Variants in ZDHHC17 observed in about 807,000 individuals in gnomAD.
ZDHHC17 encodes the protein zDHHC palmitoyltransferase 17, also known as palmitoyltransferase ZDHHC17.
ZDHHC17 carries 40 observed loss-of-function variants against 90.3 expected under a neutral mutation model. That is an observed-to-expected ratio of 0.44 (90% CI 0.34 to 0.58). The LOEUF (loss-of-function observed/expected upper bound fraction) is 0.58, where lower values mean the gene tolerates loss of function less well. Ranked by LOEUF, ZDHHC17 falls within the 20% of genes least tolerant of loss-of-function variation. The pLI is 0.01. For synonymous variants in ZDHHC17, 235 were observed against 252.4 expected (o/e 0.93, Z 0.65); for missense variants, 614 against 780.8 (o/e 0.79, Z 2.55).
At chr12:76,775,808 T>C (rs142819486) in intron 1 of ZDHHC17, among the ~76,000 whole-genome samples, 28 of 152,316 alleles carry the variant, frequency 1.8e-4, no homozygotes, top group African/African-American at 5.1e-4. Context: ...ATGTACACTA[T>C]TGTTAATCTT....
intron 10 of ZDHHC17, among the ~76,000 whole-genome samples, chr12:76,839,845 A>G (rs1288670385): frequency 1.3e-5 from 2 of 152,218 alleles, no homozygotes; most frequent in Admixed American, 6.5e-5. Context: ...GGAAAATAGT[A>G]TAAAAGTGTC....
intron 3 of ZDHHC17, among the ~76,000 whole-genome samples, chr12:76,808,719 A>T (rs1475505683): frequency 6.6e-6 from 1 of 152,128 alleles, no homozygotes; most frequent in African/African-American, 2.4e-5. Flanking sequence ...CAACTATTCT[A>T]ATTTCAAGTT....
chr12:76,814,155 A>G (rs1446293884), intron 5 of ZDHHC17, among the ~76,000 whole-genome samples: 4 of 151,996 alleles, frequency 2.6e-5, no homozygotes, highest in African/African-American at 9.7e-5. Context: ...GTTTCAGAGC[A>G]TTGAAACTGA....
At chr12:76,775,535 A>G (rs1218780058) in intron 1 of ZDHHC17, among the ~76,000 whole-genome samples, 1 of 152,220 alleles carries the variant, frequency 6.6e-6, no homozygotes, top group Non-Finnish European at 1.5e-5. Context: ...TAAGTCTGTA[A>G]AAGATTTTTC....
chr12:76,797,603 A>ATT, intron 2 of ZDHHC17, 66 bp downstream of exon 2: 2 of 1,267,038 alleles, frequency 1.6e-6, no homozygotes, highest in Non-Finnish European at 2.2e-6. Flanking sequence ...AATCTGAATA[A>ATT]CAGTCATATT....
intron 1 of ZDHHC17, among the ~76,000 whole-genome samples, chr12:76,792,530 G>GC (rs1303821852): frequency 5.3e-5 from 8 of 151,698 alleles, no homozygotes; most frequent in African/African-American, 1.9e-4. Flanking sequence ...AGTGTTTATC[G>GC]CAGCTCAGCT....
At chr12:76,779,623 C>CA (rs887241415) in intron 1 of ZDHHC17, among the ~76,000 whole-genome samples, 2 of 152,118 alleles carry the variant, frequency 1.3e-5, no homozygotes, top group Non-Finnish European at 2.9e-5. Context: ...GGGACACAGC[C>CA]AAACCACATC....
At chr12:76,819,935 G>C (rs1043412386) in intron 7 of ZDHHC17, among the ~76,000 whole-genome samples, 8 of 150,556 alleles carry the variant, frequency 5.3e-5, no homozygotes, top group African/African-American at 2.0e-4. Flanking sequence ...GGAGGTTGCA[G>C]TGAGCCAAGA....
chr12:76,795,091 G>C (rs17757120), intron 1 of ZDHHC17, among the ~76,000 whole-genome samples: 21,500 of 152,080 alleles, frequency 0.14, 1,940 homozygotes, highest in Non-Finnish European at 0.2. Context: ...AAGTCCTTCA[G>C]GATGACAGGC....
intron 8 of ZDHHC17, among the ~76,000 whole-genome samples, chr12:76,825,334 G>A (rs1953217529): frequency 6.6e-6 from 1 of 152,106 alleles, no homozygotes; most frequent in Non-Finnish European, 1.5e-5. Context: ...AATCTAGGTG[G>A]TGGATAGACT....
chr12:76,836,995 A>G (rs1005089254), intron 10 of ZDHHC17, among the ~76,000 whole-genome samples: 3 of 152,196 alleles, frequency 2.0e-5, no homozygotes, highest in African/African-American at 7.2e-5. Flanking sequence ...TCTCTTGCAA[A>G]TAGCATATAG....
At chr12:76,823,995 T>TA (rs200676825) in intron 8 of ZDHHC17, among the ~76,000 whole-genome samples, 43 of 151,718 alleles carry the variant, frequency 2.8e-4, no homozygotes, top group East Asian at 2.1e-3. Flanking sequence ...ATTAGGCTAG[T>TA]AAAAAAAAAT....
chr12:76,771,570 G>A (rs1006817184), intron 1 of ZDHHC17, among the ~76,000 whole-genome samples: 4 of 151,970 alleles, frequency 2.6e-5, no homozygotes, highest in African/African-American at 9.7e-5. Context: ...TTTATCAGTT[G>A]TTGTATTCTA....
At chr12:76,779,848 T>C (rs1296814551) in intron 1 of ZDHHC17, among the ~76,000 whole-genome samples, 1 of 152,134 alleles carries the variant, frequency 6.6e-6, no homozygotes, top group East Asian at 1.9e-4. Context: ...TTGTATAAAG[T>C]GTGAAAGTTA....
intron 10 of ZDHHC17, among the ~76,000 whole-genome samples, chr12:76,832,112 G>T (rs1200766181): frequency 6.6e-6 from 1 of 152,178 alleles, no homozygotes; most frequent in Non-Finnish European, 1.5e-5. Context: ...TTTTCTCCCA[G>T]TTTTATAAAG....
intron 5 of ZDHHC17, among the ~76,000 whole-genome samples, chr12:76,810,717 T>A (rs537547544): frequency 1.6e-3 from 238 of 148,978 alleles, no homozygotes; most frequent in South Asian, 9.1e-3. Context: ...GAGGGGGGGT[T>A]ATTGTCTGTT....
chr12:76,770,844 G>A (rs35189797), intron 1 of ZDHHC17, among the ~76,000 whole-genome samples: 4 of 151,366 alleles, frequency 2.6e-5, no homozygotes, highest in African/African-American at 9.7e-5. Flanking sequence ...GGCTGAGGCA[G>A]GAGAATCGCT....
At chr12:76,788,688 ATTTTTTTTTTTT>A (rs763269507) in intron 1 of ZDHHC17, among the ~76,000 whole-genome samples, 2 of 98,648 alleles carry the variant, frequency 2.0e-5, no homozygotes, top group African/African-American at 8.0e-5. Flanking sequence ...TGGAATCGCA[ATTTTTTTTTTTT>A]TTTTTTTTTT....
chr12:76,834,325 G>A (rs1444291763), intron 10 of ZDHHC17, among the ~76,000 whole-genome samples: 1 of 152,094 alleles, frequency 6.6e-6, no homozygotes, highest in Admixed American at 6.5e-5. Context: ...ATTGACAAAA[G>A]TTTATTAGAA....
Sources: allele counts gnomAD v4.1 joint callset (sites outside exome capture counted in the v4.1 genomes callset), GRCh38; gene constraint gnomAD v4.1.1; transcripts MANE v1.5; gene names NCBI Gene and HGNC (gene_info 2026-07-23, HGNC 2026-07-21).